SANBR: variants seen among roughly 807,000 people sequenced by gnomAD.
SANBR encodes SANT and BTB domain regulator of CSR, also known as SANT and BTB domain regulator of class switch recombination.
A neutral mutation model predicts 101.8 loss-of-function variants in SANBR; 77 were observed. The ratio of observed to expected loss-of-function variants is 0.76; its 90% CI spans 0.63 to 0.91. The LOEUF (loss-of-function observed/expected upper bound fraction) is 0.91, where lower values mean the gene tolerates loss of function less well. SANBR is among the 40% of genes least tolerant of loss of function. SANBR has a pLI of 0.00. For synonymous variants in SANBR, 279 were observed against 274.7 expected (o/e 1.02, Z -0.15); for missense variants, 875 against 853.0 (o/e 1.03, Z -0.32).
In SANBR at chr2:61,097,757, C is replaced by T. The variant is rs998667031; in HGVS notation, c.1270C>T (p.Pro424Ser). The change falls in exon 12 of 22, where the codon CCT becomes TCT. Residue 424 changes from proline (P) to serine (S), a missense_variant. Coordinates refer to ENST00000402291, the MANE Select transcript of SANBR (RefSeq NM_001129993.3). ...CQYHSETVVYPTAASSLNTVG... is the reference protein window; with the variant it reads ...CQYHSETVVYSTAASSLNTVG... ...ATACCACTCAGAAACAGTGGTTTAT[C>T]CTACTGCAGCAAGTTCATTGAATAC... is the stretch of plus-strand genomic sequence containing the variant. 1.3e-5 allele frequency: 21 copies of T among 1,611,650 alleles called. No individual in the cohort carries two copies. The highest frequency in any genetic ancestry group is 1.7e-5 in the Non-Finnish European group (20 of 1,178,242).
rs762777716 is a variant in SANBR at position 61,103,887 on chromosome 2, G to A, written c.1400G>A (p.Arg467His). The A allele has an allele frequency of 1.4e-5, 22 of 1,614,056 alleles. No individual in the cohort carries two copies. The highest frequency in any genetic ancestry group is 3.3e-5 in the South Asian group (3 of 91,086). Residue 467 changes from arginine (R) to histidine (H), a missense_variant, in exon 13 of 22, where the codon CGT becomes CAT. Physicochemically the swap from Arg to His is conservative, Grantham distance 29. Transcript: ENST00000402291. The part of the protein sequence containing the change: ...CKVRDHMVTL[R>H]DQGEGGDLPS... ...GTGAGGGACCACATGGTTACACTTC[G>A]TGATCAAGGTGAAGGCGGAGATTTG... is the stretch of plus-strand genomic sequence containing the variant.
In SANBR at chr2:61,071,615, A is replaced by C; in HGVS notation, c.160A>C (p.Arg54=). 1 of 1,549,888 alleles carries C rather than the reference A, an allele frequency of 6.5e-7. No individual in the cohort carries two copies. Among genetic ancestry groups the C allele is most frequent in the Non-Finnish European group, 8.6e-7 (1 of 1,156,238 alleles). The part of the protein sequence containing the change: ...PGLTPKECAK[R]FDELKSSGSS... ...TTTTATATTATGACAGTGTGCAAAA[A>C]GGTTTGATGAATTAAAGAGCAGTGG... The change falls in exon 4 of 22, where the codon AGG becomes CGG. Residue 54 remains arginine, a synonymous_variant. Coordinates refer to ENST00000402291, the MANE Select transcript of SANBR (RefSeq NM_001129993.3).
At chr2:61,079,474 TTAA>T (rs1403404303) in intron 6 of SANBR, among the ~76,000 whole-genome samples, 2 of 152,194 alleles carry the variant, frequency 1.3e-5, no homozygotes, top group East Asian at 1.9e-4. Flanking sequence ...TTTAAAAAAC[TTAA>T]TAATTTATTG....
At chr2:61,092,987 C>G (rs1357502413) in intron 11 of SANBR, among the ~76,000 whole-genome samples, 1 of 151,918 alleles carries the variant, frequency 6.6e-6, no homozygotes, top group Non-Finnish European at 1.5e-5. Flanking sequence ...CGAAAAATTA[C>G]CCGGTTGTGG....
downstream of SANBR, among the ~76,000 whole-genome samples, chr2:61,125,716 T>C (rs1380414842): frequency 6.6e-6 from 1 of 152,228 alleles, no homozygotes; most frequent in Non-Finnish European, 1.5e-5. Context: ...TAGTAGTTGC[T>C]ATTTGTTGAA....
intron 5 of SANBR, among the ~76,000 whole-genome samples, chr2:61,074,236 A>C (rs1396786646): frequency 6.6e-6 from 1 of 152,202 alleles, no homozygotes; most frequent in African/African-American, 2.4e-5. Flanking sequence ...CCTTTGAAAA[A>C]GCTCTGGAGG....
At chr2:61,079,656 TATTCG>T (rs1177873793) in intron 6 of SANBR, among the ~76,000 whole-genome samples, 1 of 152,084 alleles carries the variant, frequency 6.6e-6, no homozygotes, top group Non-Finnish European at 1.5e-5. Context: ...GAAAAAAAAT[TATTCG>T]ATTCATCATA....
At chr2:61,076,713 T>C (rs559668502) in intron 5 of SANBR, among the ~76,000 whole-genome samples, 1 of 152,286 alleles carries the variant, frequency 6.6e-6, no homozygotes, top group East Asian at 1.9e-4. Context: ...TTTTGTTTTA[T>C]TACGTCAGTA....
intron 19 of SANBR, 65 bp downstream of exon 19, chr2:61,117,605 A>G: frequency 7.3e-7 from 1 of 1,369,848 alleles, no homozygotes; most frequent in South Asian, 1.2e-5. Context: ...TGTGTGTTTC[A>G]TTTTATACAG....
At chr2:61,100,998 T>G (rs956511977) in intron 12 of SANBR, among the ~76,000 whole-genome samples, 1 of 152,176 alleles carries the variant, frequency 6.6e-6, no homozygotes, top group African/African-American at 2.4e-5. Flanking sequence ...ATTTGGGATA[T>G]TGGCGTGAAT....
chr2:61,106,670 G>GT lies in SANBR; in HGVS notation c.1611+16dup, dbSNP rs777991880. 130 of 1,478,316 alleles carry GT rather than the reference G, an allele frequency of 8.8e-5. No homozygotes were observed. Among genetic ancestry groups the GT allele is most frequent in the Middle Eastern group, 1.7e-4 (1 of 5,736 alleles). The allele number at this position is 1,478,316 out of a possible 1,614,324, so 91.6% of individuals were successfully genotyped here. ...ACTGGGGAGCTCAATGCTGTGAGTA[G>GT]TTTTTTTTCACTTATTCTTTATTTA... On this transcript the variant is annotated intron_variant, in intron 14 of 21. Transcript: ENST00000402291.
chr2:61,136,996 A>G (rs944021049), intron 21 of SANBR, among the ~76,000 whole-genome samples: 5 of 151,204 alleles, frequency 3.3e-5, no homozygotes, highest in African/African-American at 1.2e-4. Flanking sequence ...AACAACGATA[A>G]TAATAATAAT....
chr2:61,067,227 C>CT (rs1030445961), intron 1 of SANBR, among the ~76,000 whole-genome samples: 1 of 152,182 alleles, frequency 6.6e-6, no homozygotes, highest in Non-Finnish European at 1.5e-5. Flanking sequence ...AACAGAAAAA[C>CT]TTTTTTCTCA....
chr2:61,116,191 T>C, intron 17 of SANBR, 121 bp downstream of exon 17: 1 of 638,864 alleles, frequency 1.6e-6, no homozygotes, highest in Non-Finnish European at 2.7e-6. Flanking sequence ...AAATGAAGTT[T>C]TTTATAGACT....
At chr2:61,107,885 CAAAAA>C (rs372947000) in intron 14 of SANBR, among the ~76,000 whole-genome samples, 1 of 121,312 alleles carries the variant, frequency 8.2e-6, no homozygotes, top group Non-Finnish European at 1.7e-5. Flanking sequence ...GACTCTGTCT[CAAAAA>C]AAAAAAAAAT....
chr2:61,118,549 G>A (rs1684188505), intron 20 of SANBR, among the ~76,000 whole-genome samples: 2 of 147,798 alleles, frequency 1.4e-5, no homozygotes, highest in Admixed American at 6.8e-5. Flanking sequence ...CCAAATATAT[G>A]TGGGGGTTTT....
chr2:61,128,172 T>C (rs1684570619), downstream of SANBR, among the ~76,000 whole-genome samples: 1 of 151,490 alleles, frequency 6.6e-6, no homozygotes, highest in Non-Finnish European at 1.5e-5. Context: ...CTTGGGAGGT[T>C]GAGGCAGGAG....
downstream of SANBR, among the ~76,000 whole-genome samples, chr2:61,125,696 G>GTGA (rs1047709622): frequency 2.4e-4 from 37 of 152,122 alleles, no homozygotes; most frequent in African/African-American, 8.5e-4. Flanking sequence ...CAAACTGAAG[G>GTGA]TGATGGTCCT....
chr2:61,117,228 A>G, intron 17 of SANBR, 129 bp from the exon 18 acceptor site: 1 of 838,944 alleles, frequency 1.2e-6, no homozygotes, highest in Non-Finnish European at 2.0e-6. Context: ...TTTAAATGAA[A>G]TAGCACTTGT....
Sources: gnomAD v4.1 joint callset for allele counts (sites outside exome capture counted in the v4.1 genomes callset) on GRCh38, gnomAD v4.1.1 for gene constraint, MANE v1.5 for transcripts, NCBI Gene and HGNC (gene_info 2026-07-23, HGNC 2026-07-21) for gene names.